The following GRIK1 variants were observed in gnomAD, a reference collection of about 807,000 sequenced individuals.
GRIK1 encodes glutamate receptor ionotropic, kainate 1.
GRIK1 carries 69 observed loss-of-function variants against 105.7 expected under a neutral mutation model. The observed-to-expected ratio is 0.65, with a 90% CI of 0.54 to 0.80. The LOEUF is 0.80. Among genes scored for constraint, GRIK1 ranks in the 30% least tolerant of loss-of-function variants. The pLI, the probability that GRIK1 is intolerant of heterozygous loss-of-function variation, is 0.00. For synonymous variants in GRIK1, 438 were observed against 431.3 expected (o/e 1.02, Z -0.19); for missense variants, 1,109 against 1,167.3 (o/e 0.95, Z 0.73).
intron 10 of GRIK1, 124 bp downstream of exon 10, chr21:29,590,988 G>A (rs576325405): frequency 2.9e-5 from 21 of 714,260 alleles, no homozygotes; most frequent in South Asian, 8.0e-5. Context: ...GGCTTTTAGT[G>A]TCCTAGTTAA....
At chr21:29,919,766 C>A (rs376102013) in intron 1 of GRIK1, among the ~76,000 whole-genome samples, 1 of 152,080 alleles carries the variant, frequency 6.6e-6, no homozygotes, top group Non-Finnish European at 1.5e-5. Flanking sequence ...GTTGAATAAA[C>A]CTACGTAGTG....
intron 6 of GRIK1, among the ~76,000 whole-genome samples, chr21:29,644,415 A>G (rs16984619): frequency 0.013 from 1,938 of 152,316 alleles, 39 homozygotes; most frequent in African/African-American, 0.044. Context: ...ATGTTCACTG[A>G]CGAAGTTAAT....
At chr21:29,879,397 G>T (rs575440804) in intron 1 of GRIK1, among the ~76,000 whole-genome samples, 3 of 152,112 alleles carry the variant, frequency 2.0e-5, no homozygotes, top group South Asian at 4.1e-4. Context: ...TTAGTGAAAG[G>T]CATCCAGAAG....
intron 7 of GRIK1, among the ~76,000 whole-genome samples, chr21:29,617,780 T>C (rs1189399926): frequency 6.6e-6 from 1 of 152,236 alleles, no homozygotes. Context: ...TCTGCATCCT[T>C]AATGCATTTC....
At chr21:29,809,106 A>G (rs1447874552) in intron 1 of GRIK1, among the ~76,000 whole-genome samples, 2 of 152,132 alleles carry the variant, frequency 1.3e-5, no homozygotes, top group South Asian at 2.1e-4. Context: ...CAGAAGCATC[A>G]TGAAAAGTGG....
intron 3 of GRIK1, among the ~76,000 whole-genome samples, chr21:29,684,633 G>A (rs932536569): frequency 1.3e-5 from 2 of 151,820 alleles, no homozygotes; most frequent in African/African-American, 4.8e-5. Flanking sequence ...TCAGCCTCCC[G>A]AGTAGTTGGG....
At chr21:29,610,459 T>C (rs1391331912) in intron 7 of GRIK1, among the ~76,000 whole-genome samples, 1 of 151,956 alleles carries the variant, frequency 6.6e-6, no homozygotes, top group Non-Finnish European at 1.5e-5. Context: ...ATGACAGAAA[T>C]AGAAGACAGA....
At chr21:29,723,438 C>A (rs1037099076) in intron 1 of GRIK1, among the ~76,000 whole-genome samples, 3 of 152,114 alleles carry the variant, frequency 2.0e-5, no homozygotes, top group African/African-American at 7.2e-5. Flanking sequence ...TATTTATCTT[C>A]CGAGTAGTTT....
At chr21:29,643,050 C>G in intron 6 of GRIK1, 81 bp from the exon 7 acceptor site, 1 of 1,354,236 alleles carries the variant, frequency 7.4e-7, no homozygotes, top group South Asian at 1.3e-5. Flanking sequence ...CTCCCTGCTT[C>G]CATAGCTCTT....
intron 1 of GRIK1, among the ~76,000 whole-genome samples, chr21:29,719,286 A>G (rs2211776): frequency 0.98 from 148,015 of 151,674 alleles, 72,327 homozygotes; most frequent in East Asian, 1. Flanking sequence ...TAGTGATAGT[A>G]TACTTTACAA....
intron 1 of GRIK1, among the ~76,000 whole-genome samples, chr21:29,850,951 G>A (rs1051118276): frequency 6.6e-5 from 10 of 152,132 alleles, no homozygotes; most frequent in African/African-American, 2.4e-4. Context: ...AATTCAAGAT[G>A]CCAATAATAT....
intron 7 of GRIK1, among the ~76,000 whole-genome samples, chr21:29,638,685 C>T (rs539001548): frequency 3.3e-5 from 5 of 152,280 alleles, no homozygotes; most frequent in Admixed American, 3.3e-4. Context: ...CTGAATTATA[C>T]ATGTACATTT....
chr21:29,678,449 A>T (rs181831709), intron 3 of GRIK1, among the ~76,000 whole-genome samples: 1 of 152,246 alleles, frequency 6.6e-6, no homozygotes, highest in Admixed American at 6.5e-5. Flanking sequence ...GTATTCAAGA[A>T]AGTGTATTGC....
At chr21:29,756,762 T>TAA (rs969321273) in intron 1 of GRIK1, among the ~76,000 whole-genome samples, 1 of 151,734 alleles carries the variant, frequency 6.6e-6, no homozygotes, top group African/African-American at 2.4e-5. Flanking sequence ...TTTAAAAAAA[T>TAA]AAAAAAAATA....
intron 1 of GRIK1, among the ~76,000 whole-genome samples, chr21:29,775,787 CCTT>C (rs1318982392): frequency 2.0e-5 from 3 of 152,212 alleles, no homozygotes; most frequent in Non-Finnish European, 2.9e-5. Context: ...TCTTAGCATT[CCTT>C]CTTCACTTCT....
chr21:29,564,086 T>C (rs969066057), intron 14 of GRIK1, among the ~76,000 whole-genome samples: 1 of 152,242 alleles, frequency 6.6e-6, no homozygotes, highest in Non-Finnish European at 1.5e-5. Flanking sequence ...TAATATGAAA[T>C]AGGAATCAAC....
At chr21:29,800,260 C>T (rs1214462692) in intron 1 of GRIK1, among the ~76,000 whole-genome samples, 1 of 152,194 alleles carries the variant, frequency 6.6e-6, no homozygotes. Context: ...TGCTACCAGG[C>T]ATTTCCTTTC....
At chr21:29,720,262 A>T (rs2064286943) in intron 1 of GRIK1, among the ~76,000 whole-genome samples, 1 of 152,224 alleles carries the variant, frequency 6.6e-6, no homozygotes, top group South Asian at 2.1e-4. Flanking sequence ...GTCTTTATAA[A>T]ATATGACTTA....
chr21:29,704,363 G>T (rs2063865728), intron 1 of GRIK1, among the ~76,000 whole-genome samples: 2 of 152,296 alleles, frequency 1.3e-5, no homozygotes, highest in South Asian at 2.1e-4. Context: ...AATCTTTCCT[G>T]ATTCCTCCAG....
Sources: allele counts gnomAD v4.1 joint callset (sites outside exome capture counted in the v4.1 genomes callset), GRCh38; gene constraint gnomAD v4.1.1; transcripts MANE v1.5; gene names NCBI Gene and HGNC (gene_info 2026-07-23, HGNC 2026-07-21).